Variants in PLEKHA4 observed in about 807,000 individuals in gnomAD.
PLEKHA4 encodes the protein pleckstrin homology domain containing A4.
In PLEKHA4, 73 loss-of-function variants were observed where a neutral mutation model predicts 94.7. That is an observed-to-expected ratio of 0.77 (90% CI 0.64 to 0.94). PLEKHA4 has a LOEUF of 0.94. Among genes scored for constraint, PLEKHA4 ranks in the 40% least tolerant of loss-of-function variants. The probability of loss-of-function intolerance (pLI) is 0.00; values close to 1 mark genes in which losing one functional copy is unlikely to be tolerated. For synonymous variants in PLEKHA4, 449 were observed against 437.1 expected (o/e 1.03, Z -0.34); for missense variants, 1,049 against 1,054.1 (o/e 1.00, Z 0.07).
chr19:48,844,650 G>A (rs1243901032), intron 16 of PLEKHA4: 2 of 984,924 alleles, frequency 2.0e-6, no homozygotes, highest in South Asian at 4.7e-5. Flanking sequence ...ATAGCTCCAT[G>A]CTTCTGAAAA....
intron 13 of PLEKHA4, among the ~76,000 whole-genome samples, chr19:48,850,623 G>A (rs1461058117): frequency 6.6e-6 from 1 of 152,016 alleles, no homozygotes; most frequent in Non-Finnish European, 1.5e-5. Flanking sequence ...TTCAAGACCA[G>A]CCGGACCAAC....
intron 16 of PLEKHA4, among the ~76,000 whole-genome samples, chr19:48,844,122 A>T (rs112935356): frequency 0.017 from 203 of 12,002 alleles, 1 homozygote; most frequent in African/African-American, 0.082. Flanking sequence ...TATTTATTTT[A>T]TTATTATTAT....
intron 9 of PLEKHA4, among the ~76,000 whole-genome samples, chr19:48,856,911 A>AG (rs1467134938): frequency 7.6e-6 from 1 of 131,656 alleles, no homozygotes; most frequent in East Asian, 2.0e-4. Flanking sequence ...AAAAAAAAAA[A>AG]AAAAAGAAAG....
chr19:48,837,475 G>T lies in PLEKHA4; in HGVS notation c.2154C>A (p.Thr718=). 1.2e-6 allele frequency: 2 copies of T among 1,613,070 alleles called. No individual in the cohort carries two copies. Among genetic ancestry groups the T allele is most frequent in the Non-Finnish European group, 1.7e-6 (2 of 1,179,604 alleles). The part of the protein sequence containing the change: ...LPPSDPTRQE[T]PPPRSPPVAN... The stretch of plus-strand genomic sequence containing the variant: ...CCACCGGGGGAGATCTGGGGGGAGG[G>T]GTCTCCTGGCGCGTGGGGTCCGAAG... The change falls in exon 20 of 20, where the codon ACC becomes ACA. Residue 718 remains threonine (T), a synonymous_variant. Coordinates refer to ENST00000263265, the MANE Select transcript of PLEKHA4 (RefSeq NM_020904.3). This position sits in a 1 kb window ranked among gnomAD's most constrained non-coding sequence, Gnocchi z 4.3.
In PLEKHA4 at chr19:48,853,952, G is replaced by A. The variant is rs2036302492; in HGVS notation, c.1176+55C>T. ...CATCCTGACTTCCGCATTCAGGAAG[G>A]GCTCAGGGCAGGCAGAGAGGCCAGG... is the stretch of plus-strand genomic sequence containing the variant. On this transcript the variant is annotated intron_variant, in intron 11 of 19. Transcript: ENST00000263265. The A allele has an allele frequency of 5.6e-6, 9 of 1,604,298 alleles. No homozygotes were observed. The South Asian group carries it at 1.0e-4, about 18-fold the overall frequency.
intron 3 of PLEKHA4, among the ~76,000 whole-genome samples, chr19:48,865,132 T>G (rs953120062): frequency 6.6e-6 from 1 of 151,888 alleles, no homozygotes; most frequent in Non-Finnish European, 1.5e-5. Flanking sequence ...TCACTTGAGG[T>G]CGGGAGTTTC....
chr19:48,854,105 G>A lies in PLEKHA4; in HGVS notation c.1096-18C>T. The stretch of plus-strand genomic sequence containing the variant: ...AGCAGCGTCTGGAGAAAGGAGAGCG[G>A]GAGCTACTGATGGTCCAGATCTGGC... On this transcript the variant is annotated intron_variant, in intron 10 of 19. Coordinates refer to ENST00000263265, the MANE Select transcript of PLEKHA4 (RefSeq NM_020904.3). 8 of 1,614,126 alleles carry A rather than the reference G, an allele frequency of 5.0e-6. No homozygotes were observed. Among genetic ancestry groups the A allele is most frequent in the Non-Finnish European group, 6.8e-6 (8 of 1,180,006 alleles).
At position 48,848,117 on chromosome 19, in the gene PLEKHA4, G is replaced by T. The variant is rs79929184; in HGVS notation, c.1426-77C>A. ...TTTCAGCTAATAGGCCCCTGCAAAG[G>T]TCTGAAATCAGCTGGGCTATATTTA... is the stretch of plus-strand genomic sequence containing the variant. On this transcript the variant is annotated intron_variant, in intron 13 of 19. Transcript: ENST00000263265. 1.3e-3 allele frequency: 1,853 copies of T among 1,434,210 alleles called. 15 individuals carry two copies. The African/African-American group carries it at 0.02, about 15-fold the overall frequency. 88.8% of individuals were successfully genotyped at this position (1,434,210 alleles called of 1,614,324 possible).
At chr19:48,862,204 C>CTTTTTTTTTTTT (rs747491446) in intron 3 of PLEKHA4, among the ~76,000 whole-genome samples, 1 of 135,524 alleles carries the variant, frequency 7.4e-6, no homozygotes. Context: ...TTTTCTCTCT[C>CTTTTTTTTTTTT]TTTTTTTTTT....
rs780461613 is a variant in PLEKHA4, at chr19:48,854,072, A to T, written c.1111T>A (p.Leu371Met). Residue 371 changes from leucine (L) to methionine (M), a missense_variant, in exon 11 of 20, where the codon TTG becomes ATG. Transcript: ENST00000263265. ...SLETDTLLTK[L>M]CGQDRLLRRL... Reference sequence around the variant, plus strand: ...CGCAGAAGCCGGTCCTGCCCGCACAACTTGGTCAGCAGCGTCTGGAGAAAG... The same window carrying T: ...CGCAGAAGCCGGTCCTGCCCGCACATCTTGGTCAGCAGCGTCTGGAGAAAG... 2 of 1,614,086 alleles carry T rather than the reference A, an allele frequency of 1.2e-6. No individual in the cohort carries two copies. Among genetic ancestry groups the T allele is most frequent in the Admixed American group, 3.3e-5 (2 of 59,988 alleles).
intron 13 of PLEKHA4, among the ~76,000 whole-genome samples, chr19:48,848,898 G>A (rs768463991): frequency 6.6e-6 from 1 of 152,010 alleles, no homozygotes; most frequent in Non-Finnish European, 1.5e-5. Flanking sequence ...ATGAGAGTCT[G>A]TTCTTTTTGT....
intron 16 of PLEKHA4, 40 bp downstream of exon 16, chr19:48,845,330 T>A: frequency 6.3e-7 from 1 of 1,588,312 alleles, no homozygotes; most frequent in Non-Finnish European, 8.6e-7. Flanking sequence ...GGGTCCCTGA[T>A]GGTCAGATGC....
rs1035688355 is a variant in PLEKHA4 at position 48,853,602 on chromosome 19, C to T, written c.1326+80G>A. The T allele has an allele frequency of 1.4e-5, 19 of 1,366,472 alleles. No homozygotes were observed. The African/African-American group carries it at 2.6e-4, about 19-fold the overall frequency. 84.6% of individuals were successfully genotyped at this position (1,366,472 alleles called of 1,614,324 possible). On this transcript the variant is annotated intron_variant, in intron 12 of 19. Coordinates refer to ENST00000263265, the MANE Select transcript of PLEKHA4 (RefSeq NM_020904.3). ...CTGAAGAACGATCTTCCTATGAGCC[C>T]TCTGGGGCAGGTCCCCTTCGTAACG...
intron 13 of PLEKHA4, among the ~76,000 whole-genome samples, chr19:48,850,716 C>T (rs1356991053): frequency 1.3e-5 from 2 of 151,972 alleles, no homozygotes; most frequent in Non-Finnish European, 2.9e-5. Context: ...ACTCGGGAGG[C>T]TGAGGCAGGA....
At chr19:48,841,430 C>A in intron 16 of PLEKHA4, 120 bp from the exon 17 acceptor site, 2 of 1,090,414 alleles carry the variant, frequency 1.8e-6, no homozygotes, top group Non-Finnish European at 2.5e-6. Context: ...AGTTGAAGAC[C>A]AGCCTGGCCA....
At chr19:48,862,020 C>A (rs117328695) in intron 3 of PLEKHA4, among the ~76,000 whole-genome samples, 1 of 150,898 alleles carries the variant, frequency 6.6e-6, no homozygotes, top group Non-Finnish European at 1.5e-5. Context: ...CCAGCTACTC[C>A]GGAGGCTGAG....
At position 48,848,480 on chromosome 19, in the gene PLEKHA4, C is replaced by T. The variant is rs905365784; in HGVS notation, c.1426-440G>A. On this transcript the variant is annotated intron_variant, in intron 13 of 19. Transcript: ENST00000263265. ...CAGCCTGGGCGACAGAGCGAGACTC[C>T]GTCTCAAAAAAAAAAAAAAAACTGT... Among the ~76,000 whole-genome samples, 200 of 100,576 alleles carry T rather than the reference C, an allele frequency of 2.0e-3. 1 individual carries two copies. The highest frequency in any genetic ancestry group is 2.3e-3 in the Non-Finnish European group (122 of 53,892). The allele number at this position is 100,576 out of a possible 152,430, so 66.0% of individuals were successfully genotyped here.
chr19:48,856,239 A>G (rs537643731), intron 9 of PLEKHA4, among the ~76,000 whole-genome samples: 283 of 150,350 alleles, frequency 1.9e-3, no homozygotes, highest in Middle Eastern at 0.011. Flanking sequence ...AAAGGAAAGG[A>G]AAGAACGAGG....
intron 3 of PLEKHA4, among the ~76,000 whole-genome samples, chr19:48,864,955 A>C (rs2036779252): frequency 6.6e-6 from 1 of 152,134 alleles, no homozygotes; most frequent in Non-Finnish European, 1.5e-5. Context: ...TGCTCCACCC[A>C]ATCTGGAATG....
Sources: allele counts gnomAD v4.1 joint callset (sites outside exome capture counted in the v4.1 genomes callset), GRCh38; gene constraint gnomAD v4.1.1; non-coding constraint Gnocchi (gnomAD v3.1); transcripts MANE v1.5; gene names NCBI Gene and HGNC (gene_info 2026-07-23, HGNC 2026-07-21).